PCDHGA3: variants seen among roughly 807,000 people sequenced by gnomAD.
PCDHGA3 encodes the protein protocadherin gamma-A3.
In PCDHGA3, 40 loss-of-function variants were observed where a neutral mutation model predicts 58.5. That is an observed-to-expected ratio of 0.68 (90% CI 0.53 to 0.89). The LOEUF (loss-of-function observed/expected upper bound fraction) is 0.89. Ranked by LOEUF, PCDHGA3 falls within the 40% of genes least tolerant of loss-of-function variation. The pLI is 0.00. For missense variants in PCDHGA3, 1,223 were observed against 1,195.9 expected (o/e 1.02, Z -0.33); for synonymous variants, 530 against 525.7 (o/e 1.01, Z -0.11).
chr5:141,404,225 A>G, intron 1 of PCDHGA3: 6 of 1,613,828 alleles, frequency 3.7e-6, no homozygotes, highest in Non-Finnish European at 5.1e-6. Context: ...GGTGACTGCA[A>G]CAGACAGAGG....
At chr5:141,351,121 C>T (rs940356720) in intron 1 of PCDHGA3, 10 of 1,614,066 alleles carry the variant, frequency 6.2e-6, no homozygotes, top group Admixed American at 3.3e-5. Context: ...GTACCAGCCT[C>T]TTCAATCTCA....
Position 141,477,167 on chromosome 5 carries a change from G to C in PCDHGA3, c.2425-17640G>C. The C allele has an allele frequency of 6.2e-7, 1 of 1,614,166 alleles. No individual in the cohort carries two copies. Among genetic ancestry groups the C allele is most frequent in the South Asian group, 1.1e-5 (1 of 91,076 alleles). ...TGTGGATGTGAATGACAACGCCCCG[G>C]AGATCACAGTCACCTCCGTGTACAG... On this transcript the variant is annotated intron_variant, in intron 1 of 3. Coordinates refer to ENST00000253812, the MANE Select transcript of PCDHGA3 (RefSeq NM_018916.4). The surrounding 1 kb of genome is among the most constrained non-coding windows in gnomAD (Gnocchi z 4.9).
In PCDHGA3 at chr5:141,415,072, G is replaced by A. The variant is rs558067255; in HGVS notation, c.2424+68615G>A. On this transcript the variant is annotated intron_variant, in intron 1 of 3. Coordinates refer to ENST00000253812, the MANE Select transcript of PCDHGA3 (RefSeq NM_018916.4). ...GGAGCACACGGGCGAGGTGCGCACG[G>A]CGCGAGCCCTGCTGGACAGAGACGC... 6.2e-5 allele frequency: 100 copies of A among 1,613,418 alleles called. No individual in the cohort carries two copies. The East Asian group carries it at 2.0e-3, about 32-fold the overall frequency.
intron 1 of PCDHGA3, chr5:141,383,029 T>G: frequency 6.2e-7 from 1 of 1,613,808 alleles, no homozygotes; most frequent in Non-Finnish European, 8.5e-7. Flanking sequence ...CAAAGGGTCC[T>G]TTGTGGGAGA....
chr5:141,394,724 G>C (rs2093074353), intron 1 of PCDHGA3: 2 of 1,613,380 alleles, frequency 1.2e-6, no homozygotes, highest in Non-Finnish European at 1.7e-6. Context: ...ACAGAGATGC[G>C]CTCAAGCAGA....
chr5:141,393,881 G>A (rs1003319572), intron 1 of PCDHGA3: 33 of 1,613,978 alleles, frequency 2.0e-5, no homozygotes, highest in Non-Finnish European at 2.8e-5. Context: ...TTAGCCCAGT[G>A]TTAGAAAATT....
chr5:141,387,606 T>C, intron 1 of PCDHGA3: 1 of 549,218 alleles, frequency 1.8e-6, no homozygotes, highest in Non-Finnish European at 3.2e-6. Context: ...GCAGAGGCTG[T>C]AGTTTCCTAG....
At chr5:141,370,775 C>T (rs1767193256) in intron 1 of PCDHGA3, 2 of 1,613,848 alleles carry the variant, frequency 1.2e-6, no homozygotes, top group South Asian at 1.1e-5. Flanking sequence ...AGGATATTAA[C>T]GACAACCCAC....
intron 1 of PCDHGA3, among the ~76,000 whole-genome samples, chr5:141,425,325 A>G (rs1371591408): frequency 6.6e-6 from 1 of 152,240 alleles, no homozygotes. Context: ...ATCGTGGAGA[A>G]CAAAAAGGAA....
In PCDHGA3 at chr5:141,383,791, A is replaced by G. The variant is rs763044850; in HGVS notation, c.2424+37334A>G. 4 of 1,613,998 alleles carry G rather than the reference A, an allele frequency of 2.5e-6. No homozygotes were observed. In the South Asian group the frequency reaches 4.4e-5, roughly 18 times the overall value. On this transcript the variant is annotated intron_variant, in intron 1 of 3. Transcript: ENST00000253812. ...AAAGATGTTTCATCTGAACTCGCTT[A>G]CAGGAGAAATATCAACTTTAGAAGG...
At chr5:141,388,360 A>C in intron 1 of PCDHGA3, 1 of 1,613,996 alleles carries the variant, frequency 6.2e-7, no homozygotes, top group South Asian at 1.1e-5. Context: ...TCTGCCCATG[A>C]TGCGGATATT....
intron 1 of PCDHGA3, chr5:141,371,928 G>A (rs1305933236): frequency 4.3e-6 from 7 of 1,613,232 alleles, no homozygotes; most frequent in Non-Finnish European, 5.1e-6. Flanking sequence ...CGCGCGGAGC[G>A]GGGTGGTGTT....
rs752720166 is a variant in PCDHGA3, at chr5:141,419,978, G to C, written c.2424+73521G>C. 1.9e-6 allele frequency: 3 copies of C among 1,614,076 alleles called. No homozygotes were observed. In the South Asian group the frequency reaches 3.3e-5, roughly 18 times the overall value. On this transcript the variant is annotated intron_variant, in intron 1 of 3. Transcript: ENST00000253812. Reference sequence around the variant, plus strand: ...GATTTCTGTGCTCTTTCTCCTCGCGGTGATTCTAGCTATTGCTCTACGCCT... The same window carrying C: ...GATTTCTGTGCTCTTTCTCCTCGCGCTGATTCTAGCTATTGCTCTACGCCT...
chr5:141,430,635 T>A, intron 1 of PCDHGA3: 3 of 881,948 alleles, frequency 3.4e-6, no homozygotes, highest in Non-Finnish European at 5.0e-6. Flanking sequence ...GAACCATCCC[T>A]GGGAGTATGT....
intron 1 of PCDHGA3, among the ~76,000 whole-genome samples, chr5:141,457,632 G>A (rs919693977): frequency 6.6e-6 from 1 of 152,142 alleles, no homozygotes; most frequent in African/African-American, 2.4e-5. Flanking sequence ...CTTATACTTG[G>A]CCTGATTATT....
intron 1 of PCDHGA3, among the ~76,000 whole-genome samples, chr5:141,474,788 A>G (rs1426105047): frequency 6.6e-6 from 1 of 152,232 alleles, no homozygotes; most frequent in Non-Finnish European, 1.5e-5. Context: ...AACACTTTAC[A>G]TCTAATGGAG....
rs990493129 is a variant in PCDHGA3 at position 141,449,560 on chromosome 5, G to C, written c.2425-45247G>C. On this transcript the variant is annotated intron_variant, in intron 1 of 3. Coordinates refer to ENST00000253812, the MANE Select transcript of PCDHGA3 (RefSeq NM_018916.4). ...GCCGAGATCGCACCACTGCACTCCA[G>C]CCTGGGCGACAGAGCAAGACTCTGT... Among the ~76,000 whole-genome samples, 4 of 145,056 alleles carry C rather than the reference G, an allele frequency of 2.8e-5. No homozygotes were observed. The Admixed American group carries it at 2.8e-4, about 10-fold the overall frequency.
chr5:141,510,949 G>C lies in PCDHGA3; in HGVS notation c.2575G>C (p.Ala859Pro), dbSNP rs762789865. The C allele has an allele frequency of 2.2e-5, 36 of 1,614,012 alleles. No homozygotes were observed. The highest frequency in any genetic ancestry group is 3.0e-5 in the Non-Finnish European group (35 of 1,180,020). ...CTGATCTTCCTCTGTCTCTGCAGAA[G>C]CTGCTGATGGGAGCTCCACCCTGGG... ...QAMILASASE[A>P]ADGSSTLGGG... is the part of the protein sequence containing the mutation. The change falls in exon 4 of 4, where the codon GCT (alanine) becomes CCT (proline). Residue 859 changes from alanine (A) to proline (P), a missense_variant and splice_region_variant. Around this residue, in one of 3 missense-constraint regions of PCDHGA3, gnomAD observed 325 missense variants for 327.5 expected, o/e 0.99. Coordinates refer to ENST00000253812, the MANE Select transcript of PCDHGA3 (RefSeq NM_018916.4).
intron 1 of PCDHGA3, among the ~76,000 whole-genome samples, chr5:141,494,113 C>G (rs2099751999): frequency 6.6e-6 from 1 of 152,214 alleles, no homozygotes; most frequent in Non-Finnish European, 1.5e-5. Flanking sequence ...TCAGACAGAG[C>G]AGCCTTGTTC....
Sources: allele counts gnomAD v4.1 joint callset (sites outside exome capture counted in the v4.1 genomes callset), GRCh38; gene constraint gnomAD v4.1.1; regional missense constraint gnomAD v4.1.1; non-coding constraint Gnocchi (gnomAD v3.1); transcripts MANE v1.5; gene names NCBI Gene and HGNC (gene_info 2026-07-23, HGNC 2026-07-21).